Variants in LGSN observed in about 807,000 individuals in gnomAD.
The protein encoded by LGSN is lengsin.
In LGSN, 21 loss-of-function variants were observed where a neutral mutation model predicts 19.5. The ratio of observed to expected loss-of-function variants is 1.07; its 90% CI spans 0.76 to 1.55. The LOEUF (loss-of-function observed/expected upper bound fraction) is 1.55, where lower values mean the gene tolerates loss of function less well. Ranked by LOEUF, LGSN falls within the 40% of genes most tolerant of loss-of-function variation. LGSN has a pLI of 0.00. For synonymous variants in LGSN, 257 were observed against 215.6 expected (o/e 1.19, Z -1.68); for missense variants, 673 against 608.5 (o/e 1.11, Z -1.12).
intron 2 of LGSN, among the ~76,000 whole-genome samples, chr6:63,286,388 G>A (rs1308644934): frequency 2.6e-5 from 4 of 152,090 alleles, no homozygotes; most frequent in African/African-American, 9.7e-5. Flanking sequence ...AGTCTGGACT[G>A]CATACTCAAT....
the LGSN span, among the ~76,000 whole-genome samples, chr6:63,496,471 G>A: frequency 3.9e-5 from 6 of 152,148 alleles, no homozygotes; most frequent in Admixed American, 6.5e-5. Context: ...GTGTGGCATC[G>A]CTATACACAA....
the LGSN span, among the ~76,000 whole-genome samples, chr6:63,442,066 G>T: frequency 6.6e-6 from 1 of 152,190 alleles, no homozygotes; most frequent in Non-Finnish European, 1.5e-5. Context: ...GAAGTGAGGC[G>T]CAGACCTTTG....
At chr6:63,500,647 C>T in the LGSN span, among the ~76,000 whole-genome samples, 1 of 152,062 alleles carries the variant, frequency 6.6e-6, no homozygotes, top group Non-Finnish European at 1.5e-5. Context: ...TTTCAAACTC[C>T]CGACCTCAGG....
At chr6:63,315,620 G>C (rs9350835) in intron 1 of LGSN, among the ~76,000 whole-genome samples, 3,666 of 37,716 alleles carry the variant, frequency 0.097, 131 homozygotes, top group African/African-American at 0.33. Flanking sequence ...CTCTCTCTCT[G>C]TGTGTGTGTG....
At chr6:63,475,314 CA>C in the LGSN span, among the ~76,000 whole-genome samples, 12,878 of 99,190 alleles carry the variant, frequency 0.13, 547 homozygotes, top group African/African-American at 0.2. Flanking sequence ...ATAGATCTGC[CA>C]AAAAAAAAAA....
chr6:63,371,098 C>T, the LGSN span, among the ~76,000 whole-genome samples: 2 of 152,232 alleles, frequency 1.3e-5, no homozygotes, highest in Non-Finnish European at 2.9e-5. Context: ...GCGTTCTTCT[C>T]TATCATTATC....
At chr6:63,538,881 A>ATATT in the LGSN span, among the ~76,000 whole-genome samples, 32 of 151,866 alleles carry the variant, frequency 2.1e-4, no homozygotes, top group Admixed American at 5.9e-4. Flanking sequence ...AGAAGTAATA[A>ATATT]TATTTATTTA....
At chr6:63,294,269 A>T (rs937397217) in intron 2 of LGSN, among the ~76,000 whole-genome samples, 1 of 152,148 alleles carries the variant, frequency 6.6e-6, no homozygotes, top group African/African-American at 2.4e-5. Flanking sequence ...CAGGAGGCAG[A>T]GATTGCAGTG....
At chr6:63,432,860 C>A in the LGSN span, among the ~76,000 whole-genome samples, 1 of 152,070 alleles carries the variant, frequency 6.6e-6, no homozygotes, top group Non-Finnish European at 1.5e-5. Context: ...AAAGATGAGA[C>A]CCAAAGCCAT....
the LGSN span, among the ~76,000 whole-genome samples, chr6:63,412,437 A>G: frequency 1.4e-5 from 2 of 138,040 alleles, no homozygotes; most frequent in African/African-American, 6.2e-5. Flanking sequence ...AAAGAAAGAA[A>G]GAAAGCAAGA....
the LGSN span, among the ~76,000 whole-genome samples, chr6:63,449,798 T>G: frequency 6.6e-6 from 1 of 152,014 alleles, no homozygotes; most frequent in South Asian, 2.1e-4. Context: ...AACAAAACAC[T>G]AACACTGAAC....
the LGSN span, among the ~76,000 whole-genome samples, chr6:63,416,932 TACAC>T: frequency 0.065 from 9,588 of 147,854 alleles, 476 homozygotes; most frequent in African/African-American, 0.14. Context: ...CATATGTATG[TACAC>T]ACACACACAC....
At chr6:63,325,103 CAAAAAAA>C in the LGSN span, among the ~76,000 whole-genome samples, 1 of 65,270 alleles carries the variant, frequency 1.5e-5, no homozygotes, top group Non-Finnish European at 3.2e-5. Flanking sequence ...AACTCTGTCT[CAAAAAAA>C]AAAAAAAAAA....
the LGSN span, among the ~76,000 whole-genome samples, chr6:63,450,970 C>T: frequency 1.3e-5 from 2 of 152,210 alleles, no homozygotes; most frequent in Non-Finnish European, 2.9e-5. Context: ...CCACCACACC[C>T]GGCTGTAATG....
At chr6:63,531,862 C>G in the LGSN span, among the ~76,000 whole-genome samples, 1 of 150,492 alleles carries the variant, frequency 6.6e-6, no homozygotes. Flanking sequence ...GAGTCTTGCT[C>G]TATCACCCAG....
the LGSN span, among the ~76,000 whole-genome samples, chr6:63,536,447 C>T: frequency 6.6e-6 from 1 of 152,156 alleles, no homozygotes; most frequent in Non-Finnish European, 1.5e-5. Flanking sequence ...TTAAGGATAT[C>T]CCATTAATTT....
chr6:63,548,318 G>A, the LGSN span, among the ~76,000 whole-genome samples: 1 of 152,186 alleles, frequency 6.6e-6, no homozygotes, highest in Non-Finnish European at 1.5e-5. Context: ...GCAATGTAAA[G>A]AAAATCACAA....
chr6:63,411,332 G>A, the LGSN span, among the ~76,000 whole-genome samples: 1 of 152,146 alleles, frequency 6.6e-6, no homozygotes, highest in East Asian at 1.9e-4. Flanking sequence ...AGCAGGTAAG[G>A]AGAAAGTAGG....
the LGSN span, among the ~76,000 whole-genome samples, chr6:63,409,665 T>C: frequency 6.6e-6 from 1 of 152,204 alleles, no homozygotes; most frequent in East Asian, 1.9e-4. Context: ...ACTTAATAGC[T>C]CAGATGGCCT....
Sources: allele counts gnomAD v4.1 joint callset (sites outside exome capture counted in the v4.1 genomes callset), GRCh38; gene constraint gnomAD v4.1.1; transcripts MANE v1.5; gene names NCBI Gene and HGNC (gene_info 2026-07-23, HGNC 2026-07-21).